The following GPC5 variants were observed in gnomAD, a reference collection of about 807,000 sequenced individuals.
GPC5 encodes the protein glypican-5.
A neutral mutation model predicts 53.9 loss-of-function variants in GPC5; 47 were observed. The ratio of observed to expected loss-of-function variants is 0.87; its 90% CI spans 0.69 to 1.11. GPC5 has a LOEUF of 1.11. Among genes scored for constraint, GPC5 ranks in the 50% most tolerant of loss-of-function variants. GPC5 has a pLI of 0.00. For missense variants in GPC5, 748 were observed against 713.1 expected (o/e 1.05, Z -0.56); for synonymous variants, 286 against 263.3 (o/e 1.09, Z -0.84).
In GPC5 at chr13:92,344,210, C is replaced by T. The variant is rs190862057; in HGVS notation, c.1561+199221C>T. 4.6e-3 allele frequency among the ~76,000 whole-genome samples: 694 copies of T among 152,220 alleles called. 5 individuals carry two copies. Among genetic ancestry groups the T allele is most frequent in the African/African-American group, 0.015 (634 of 41,546 alleles). On this transcript the variant is annotated intron_variant, in intron 7 of 7. Coordinates refer to ENST00000377067, the MANE Select transcript of GPC5 (RefSeq NM_004466.6). ...CAGAAGGGGAAGCAAACACACCCTTCTTCACATGGCAGGAGGAAGGAGAAA... is the reference window on the plus strand; with the variant it reads ...CAGAAGGGGAAGCAAACACACCCTTTTTCACATGGCAGGAGGAAGGAGAAA...
chr13:92,600,122 C>T (rs1332448083), intron 7 of GPC5, among the ~76,000 whole-genome samples: 2 of 152,166 alleles, frequency 1.3e-5, no homozygotes, highest in African/African-American at 4.8e-5. Flanking sequence ...TCTGTGCTGT[C>T]ACTGTCAACA....
chr13:92,662,936 C>A (rs538101293), intron 7 of GPC5, among the ~76,000 whole-genome samples: 1 of 152,160 alleles, frequency 6.6e-6, no homozygotes, highest in African/African-American at 2.4e-5. Context: ...ATTATTTTCA[C>A]GTGAATTTTT....
At chr13:92,014,478 A>G (rs977354068) in intron 6 of GPC5, among the ~76,000 whole-genome samples, 3 of 152,200 alleles carry the variant, frequency 2.0e-5, no homozygotes, top group African/African-American at 7.2e-5. Context: ...TCAGAAAAAC[A>G]TAAGGGCAAG....
At chr13:91,916,963 C>T (rs544010619) in intron 6 of GPC5, among the ~76,000 whole-genome samples, 4 of 152,214 alleles carry the variant, frequency 2.6e-5, no homozygotes, top group South Asian at 4.1e-4. Flanking sequence ...TATGATTCTG[C>T]CCCTGGCTTC....
intron 7 of GPC5, among the ~76,000 whole-genome samples, chr13:92,654,424 T>G (rs962585182): frequency 3.3e-5 from 5 of 152,172 alleles, no homozygotes; most frequent in African/African-American, 1.2e-4. Flanking sequence ...TAAGGCATAT[T>G]TTATTAGTAT....
chr13:92,860,677 CATA>C (rs892468295), intron 7 of GPC5, among the ~76,000 whole-genome samples: 29 of 151,990 alleles, frequency 1.9e-4, no homozygotes, highest in Non-Finnish European at 3.5e-4. Flanking sequence ...TTAAATTTAA[CATA>C]ATAAGATTCG....
chr13:91,445,197 A>G (rs1880701841), intron 1 of GPC5, among the ~76,000 whole-genome samples: 1 of 152,196 alleles, frequency 6.6e-6, no homozygotes, highest in Admixed American at 6.5e-5. Context: ...TAAGCGAAGC[A>G]CTTTGGGCAA....
chr13:92,539,724 C>T (rs1881869231), intron 7 of GPC5, among the ~76,000 whole-genome samples: 1 of 151,798 alleles, frequency 6.6e-6, no homozygotes, highest in African/African-American at 2.4e-5. Context: ...TCCTTTGCCC[C>T]AGTATCTTGG....
intron 7 of GPC5, among the ~76,000 whole-genome samples, chr13:92,511,174 AT>A (rs1224574130): frequency 3.3e-5 from 5 of 151,982 alleles, no homozygotes; most frequent in African/African-American, 1.2e-4. Context: ...TTCTTAATGT[AT>A]TTTTTCTATT....
chr13:92,072,500 T>A (rs1391804663), intron 6 of GPC5, among the ~76,000 whole-genome samples: 3 of 151,352 alleles, frequency 2.0e-5, no homozygotes, highest in Non-Finnish European at 4.4e-5. Context: ...CTCCTGACCT[T>A]GTGATCCACC....
chr13:91,727,681 C>T (rs1281075320), intron 3 of GPC5, among the ~76,000 whole-genome samples: 1 of 152,046 alleles, frequency 6.6e-6, no homozygotes, highest in Non-Finnish European at 1.5e-5. Flanking sequence ...TAGGAAATCA[C>T]ATTCAAAGAG....
chr13:92,441,175 G>A (rs754892286), intron 7 of GPC5, among the ~76,000 whole-genome samples: 6 of 152,076 alleles, frequency 3.9e-5, no homozygotes, highest in Non-Finnish European at 5.9e-5. Flanking sequence ...GGGTTCAAGC[G>A]ATTCTCATGA....
At chr13:92,129,530 C>A in intron 6 of GPC5, among the ~76,000 whole-genome samples, 1 of 152,230 alleles carries the variant, frequency 6.6e-6, no homozygotes, top group East Asian at 2.0e-4. Flanking sequence ...ACAATAAGCA[C>A]AGCTCCACAG....
chr13:92,059,036 A>G (rs910187654), intron 6 of GPC5, among the ~76,000 whole-genome samples: 1 of 152,152 alleles, frequency 6.6e-6, no homozygotes, highest in Non-Finnish European at 1.5e-5. Context: ...TTCTCATAAA[A>G]CTGTACATTT....
intron 2 of GPC5, among the ~76,000 whole-genome samples, chr13:91,543,007 C>T (rs2138761605): frequency 1.3e-5 from 2 of 152,206 alleles, no homozygotes; most frequent in South Asian, 4.1e-4. Context: ...CAGGCGCCCA[C>T]CACCACGCCT....
intron 7 of GPC5, among the ~76,000 whole-genome samples, chr13:92,176,190 G>A (rs1593963258): frequency 3.3e-5 from 5 of 152,202 alleles, no homozygotes; most frequent in African/African-American, 1.2e-4. Flanking sequence ...GGATGGAGCC[G>A]GTGACTCTGA....
chr13:92,499,508 T>G (rs1880104006), intron 7 of GPC5, among the ~76,000 whole-genome samples: 2 of 152,142 alleles, frequency 1.3e-5, no homozygotes, highest in Admixed American at 1.3e-4. Context: ...ACCGAATATC[T>G]AGCCAAAGTA....
chr13:92,801,826 T>C (rs1182351733), intron 7 of GPC5, among the ~76,000 whole-genome samples: 2 of 151,820 alleles, frequency 1.3e-5, no homozygotes, highest in East Asian at 3.9e-4. Context: ...TGAATAAGGA[T>C]ATAAAGGAAA....
Position 92,722,200 on chromosome 13 carries a change from G to A in GPC5, c.1562-144082G>A, listed in dbSNP as rs184522164. Among the ~76,000 whole-genome samples, 82 of 151,976 alleles carry A rather than the reference G, an allele frequency of 5.4e-4. 1 individual carries two copies. Among genetic ancestry groups the A allele is most frequent in the Admixed American group, 5.1e-3 (77 of 15,216 alleles). Reference sequence around the variant, plus strand: ...CATTTCAAACAACTTGTCCTAAAAGGAAAAACAAATATGATTATAAAGTGC... The same window carrying A: ...CATTTCAAACAACTTGTCCTAAAAGAAAAAACAAATATGATTATAAAGTGC... On this transcript the variant is annotated intron_variant, in intron 7 of 7. Transcript: ENST00000377067.
Sources: gnomAD v4.1 joint callset for allele counts (sites outside exome capture counted in the v4.1 genomes callset) on GRCh38, gnomAD v4.1.1 for gene constraint, MANE v1.5 for transcripts, NCBI Gene and HGNC (gene_info 2026-07-23, HGNC 2026-07-21) for gene names.